Variants in CTNND2 observed in about 807,000 individuals in gnomAD.
The protein encoded by CTNND2 is catenin delta 2, also known as catenin delta-2.
In CTNND2, 22 loss-of-function variants were observed where a neutral mutation model predicts 144.4. The observed-to-expected ratio is 0.15, with a 90% CI of 0.11 to 0.22. CTNND2 has a LOEUF of 0.22. CTNND2 is among the 10% of genes least tolerant of loss of function. CTNND2 has a pLI of 1.00. For missense variants in CTNND2, 1,353 were observed against 1,618.8 expected, an observed-to-expected ratio of 0.84 and a Z score of 2.82; for synonymous variants, 751 against 695.6, an observed-to-expected ratio of 1.08 and a Z score of -1.25.
At chr5:11,803,060 G>A (rs768872371) in intron 1 of CTNND2, among the ~76,000 whole-genome samples, 1 of 152,100 alleles carries the variant, frequency 6.6e-6, no homozygotes. Context: ...GGTGACTGAC[G>A]CCTGTAATGC....
intron 12 of CTNND2, among the ~76,000 whole-genome samples, chr5:11,142,608 CTTTTTTT>C (rs955587756): frequency 5.0e-4 from 66 of 133,284 alleles, no homozygotes; most frequent in Admixed American, 8.4e-4. Context: ...AATTTAAACT[CTTTTTTT>C]TTTTTTTTTT....
chr5:11,545,470 T>C (rs918644338), intron 3 of CTNND2, among the ~76,000 whole-genome samples: 1 of 151,176 alleles, frequency 6.6e-6, no homozygotes, highest in Non-Finnish European at 1.5e-5. Flanking sequence ...TCAGGAGTTC[T>C]AGCAGTGTGG....
chr5:11,389,597 T>C (rs1245336216), intron 6 of CTNND2, among the ~76,000 whole-genome samples: 1 of 152,098 alleles, frequency 6.6e-6, no homozygotes, highest in Non-Finnish European at 1.5e-5. Flanking sequence ...TTACAAAGTA[T>C]AGTAGAAAAA....
At chr5:11,352,174 T>C (rs536604737) in intron 8 of CTNND2, among the ~76,000 whole-genome samples, 2 of 152,340 alleles carry the variant, frequency 1.3e-5, no homozygotes, top group South Asian at 4.1e-4. Flanking sequence ...TTCTTAGTAG[T>C]AATGGAATAA....
chr5:11,138,991 T>C (rs982132082), intron 12 of CTNND2, among the ~76,000 whole-genome samples: 2 of 152,022 alleles, frequency 1.3e-5, no homozygotes, highest in African/African-American at 4.8e-5. Context: ...CTTTTTTTTT[T>C]TTTTCTTTTC....
chr5:11,513,381 G>C lies in CTNND2; in HGVS notation c.287+51563C>G, dbSNP rs61575865. 5.1e-3 allele frequency among the ~76,000 whole-genome samples: 771 copies of C among 152,270 alleles called. 6 individuals are homozygous for C. The highest frequency in any genetic ancestry group is 0.015 in the African/African-American group (642 of 41,560). On this transcript the variant is annotated intron_variant, in intron 3 of 21. Coordinates refer to ENST00000304623, the MANE Select transcript of CTNND2 (RefSeq NM_001332.4). ...CCTTGACAGCAGGGCCATTACTGCT[G>C]TTTCCAAATACCCTCAAGATACTCT...
chr5:11,697,592 C>A (rs542616072), intron 2 of CTNND2, among the ~76,000 whole-genome samples: 1 of 152,156 alleles, frequency 6.6e-6, no homozygotes, highest in Admixed American at 6.5e-5. Flanking sequence ...TCAAGAACCC[C>A]GCCTTATGAG....
chr5:11,332,290 A>G (rs1470057410), intron 9 of CTNND2, among the ~76,000 whole-genome samples: 1 of 151,524 alleles, frequency 6.6e-6, no homozygotes, highest in Non-Finnish European at 1.5e-5. Flanking sequence ...AAAAAAAAAA[A>G]AAGGTGGGCT....
At chr5:11,569,731 A>G (rs1777410831) in intron 2 of CTNND2, among the ~76,000 whole-genome samples, 1 of 152,156 alleles carries the variant, frequency 6.6e-6, no homozygotes, top group South Asian at 2.1e-4. Context: ...TCTTAACAAT[A>G]TTGAGGCTTC....
intron 3 of CTNND2, among the ~76,000 whole-genome samples, chr5:11,450,517 A>T (rs1048076071): frequency 2.6e-5 from 4 of 152,164 alleles, no homozygotes; most frequent in Non-Finnish European, 5.9e-5. Context: ...TCCCACTAAT[A>T]CTCAGTGCAC....
intron 2 of CTNND2, among the ~76,000 whole-genome samples, chr5:11,578,285 A>G (rs1294938438): frequency 1.3e-5 from 2 of 152,230 alleles, no homozygotes; most frequent in African/African-American, 4.8e-5. Context: ...TTGTACAATT[A>G]ACAGCCATAT....
intron 2 of CTNND2, among the ~76,000 whole-genome samples, chr5:11,584,777 C>A (rs1051108671): frequency 6.6e-6 from 1 of 152,130 alleles, no homozygotes; most frequent in Non-Finnish European, 1.5e-5. Flanking sequence ...ATGATTAACA[C>A]TGATTGGTAA....
chr5:11,120,851 T>C (rs1754072642), intron 12 of CTNND2, among the ~76,000 whole-genome samples: 1 of 152,302 alleles, frequency 6.6e-6, no homozygotes, highest in African/African-American at 2.4e-5. Context: ...CAATGGGCAA[T>C]GATTTCCTAT....
chr5:11,266,896 T>C (rs1057497913), intron 9 of CTNND2, among the ~76,000 whole-genome samples: 1 of 152,204 alleles, frequency 6.6e-6, no homozygotes, highest in African/African-American at 2.4e-5. Flanking sequence ...CTTTCTTTTT[T>C]GAGACGGAGT....
intron 2 of CTNND2, among the ~76,000 whole-genome samples, chr5:11,565,678 G>A (rs2150108336): frequency 6.6e-6 from 1 of 152,226 alleles, no homozygotes; most frequent in East Asian, 1.9e-4. Context: ...CTTAAAAACA[G>A]ACAATTGAAC....
intron 8 of CTNND2, among the ~76,000 whole-genome samples, chr5:11,364,246 C>G (rs1420893676): frequency 6.6e-6 from 1 of 152,086 alleles, no homozygotes; most frequent in Non-Finnish European, 1.5e-5. Context: ...AATTGTCTGC[C>G]TTTCAAAATA....
At chr5:11,565,278 G>C (rs1274729499) in intron 2 of CTNND2, among the ~76,000 whole-genome samples, 1 of 152,216 alleles carries the variant, frequency 6.6e-6, no homozygotes, top group Non-Finnish European at 1.5e-5. Context: ...TTCATCATTT[G>C]TAAAACAGAC....
At chr5:11,448,128 C>G (rs1764992048) in intron 3 of CTNND2, among the ~76,000 whole-genome samples, 1 of 152,152 alleles carries the variant, frequency 6.6e-6, no homozygotes, top group Admixed American at 6.6e-5. Flanking sequence ...TTTTCCCCAA[C>G]TGCACACATC....
At chr5:11,053,615 G>A (rs948284483) in intron 16 of CTNND2, among the ~76,000 whole-genome samples, 1 of 152,198 alleles carries the variant, frequency 6.6e-6, no homozygotes, top group Non-Finnish European at 1.5e-5. Flanking sequence ...TGTGCATGGG[G>A]CCACAAAATG....
Sources: allele counts gnomAD v4.1 joint callset (sites outside exome capture counted in the v4.1 genomes callset), GRCh38; gene constraint gnomAD v4.1.1; transcripts MANE v1.5; gene names NCBI Gene and HGNC (gene_info 2026-07-23, HGNC 2026-07-21).